Variants in OSBPL3 observed in about 807,000 individuals in gnomAD.
OSBPL3 encodes the protein oxysterol binding protein like 3, also known as oxysterol-binding protein-related protein 3.
OSBPL3 carries 65 observed loss-of-function variants against 120.1 expected under a neutral mutation model. The observed-to-expected ratio is 0.54, with a 90% CI of 0.44 to 0.67. The LOEUF is 0.67. OSBPL3 is among the 30% of genes least tolerant of loss of function. The probability of loss-of-function intolerance (pLI) is 0.00; values close to 1 mark genes in which losing one functional copy is unlikely to be tolerated. For synonymous variants in OSBPL3, 416 were observed against 402.6 expected (o/e 1.03, Z -0.40); for missense variants, 1,004 against 1,082.1 (o/e 0.93, Z 1.01).
chr7:24,820,309 C>G lies in OSBPL3; in HGVS notation c.1885-71G>C. The G allele has an allele frequency of 8.9e-7, 1 of 1,126,350 alleles. No individual in the cohort carries two copies. The highest frequency in any genetic ancestry group is 2.5e-5 in the East Asian group (1 of 39,570). 69.8% of individuals were successfully genotyped at this position (1,126,350 alleles called of 1,614,324 possible). ...GTGTCTCATGAAATCCATTCTTTCT[C>G]CCCTGCACTGAGATGTAACAGCGTG... is the stretch of plus-strand genomic sequence containing the variant. On this transcript the variant is annotated intron_variant, in intron 16 of 22. Transcript: ENST00000313367. This position sits in a 1 kb window ranked among gnomAD's most constrained non-coding sequence, Gnocchi z 4.6.
At chr7:24,848,406 T>C (rs1347748631) in intron 12 of OSBPL3, among the ~76,000 whole-genome samples, 1 of 152,210 alleles carries the variant, frequency 6.6e-6, no homozygotes, top group Non-Finnish European at 1.5e-5. Context: ...AAAACAGTTT[T>C]TACTTTCATT....
intron 1 of OSBPL3, among the ~76,000 whole-genome samples, chr7:24,914,309 T>G (rs761568730): frequency 6.6e-5 from 10 of 151,900 alleles, no homozygotes; most frequent in Non-Finnish European, 1.3e-4. Flanking sequence ...TACCAGCCAG[T>G]AGCATCTACT....
In OSBPL3 at chr7:24,817,137, G is replaced by A. The variant is rs1308027167; in HGVS notation, c.1949-449C>T. 5.3e-5 allele frequency among the ~76,000 whole-genome samples: 8 copies of A among 152,320 alleles called. No individual in the cohort carries two copies. In the South Asian group the frequency reaches 8.3e-4, roughly 16 times the overall value. On this transcript the variant is annotated intron_variant, in intron 17 of 22. Transcript: ENST00000313367. This position sits in a 1 kb window ranked among gnomAD's most constrained non-coding sequence, Gnocchi z 4.0. ...AAGGCCAAATAAATAGCTTGTCTGAGGGGACGGAAGTATAGGAAAACACAG... is the reference window on the plus strand; with the variant it reads ...AAGGCCAAATAAATAGCTTGTCTGAAGGGACGGAAGTATAGGAAAACACAG...
intron 12 of OSBPL3, among the ~76,000 whole-genome samples, chr7:24,846,636 T>A (rs1584353215): frequency 6.6e-6 from 1 of 152,152 alleles, no homozygotes; most frequent in South Asian, 2.1e-4. Context: ...TAATATTAAA[T>A]CTTCACATTC....
chr7:24,931,345 G>A (rs1811765668), intron 1 of OSBPL3, among the ~76,000 whole-genome samples: 3 of 152,218 alleles, frequency 2.0e-5, no homozygotes, highest in South Asian at 2.1e-4. Context: ...ACCCCCAGAA[G>A]CACTGAATGT....
rs187434748 is a variant in OSBPL3 at position 24,805,912 on chromosome 7, C to T, written c.2444+864G>A. Among the ~76,000 whole-genome samples the T allele has an allele frequency of 9.7e-4, 147 of 152,134 alleles. No homozygotes were observed. Among genetic ancestry groups the T allele is most frequent in the African/African-American group, 3.4e-3 (141 of 41,500 alleles). On this transcript the variant is annotated intron_variant, in intron 21 of 22. Coordinates refer to ENST00000313367, the MANE Select transcript of OSBPL3 (RefSeq NM_015550.4). This position sits in a 1 kb window ranked among gnomAD's most constrained non-coding sequence, Gnocchi z 4.0. ...CTCCGTTTGTCATTTATCTTTTGAC[C>T]TTATATATATAGTTTTATTTATTTT...
At position 24,932,327 on chromosome 7, in the gene OSBPL3, G is replaced by A. The variant is rs1320789507; in HGVS notation, c.-149-39706C>T. 6.6e-6 allele frequency among the ~76,000 whole-genome samples: 1 copy of A among 152,110 alleles called. No homozygotes were observed. Among genetic ancestry groups the A allele is most frequent in the Non-Finnish European group, 1.5e-5 (1 of 68,020 alleles). On this transcript the variant is annotated intron_variant, in intron 1 of 22. Coordinates refer to ENST00000313367, the MANE Select transcript of OSBPL3 (RefSeq NM_015550.4). The surrounding 1 kb of genome is among the most constrained non-coding windows in gnomAD (Gnocchi z 5.6). Reference sequence around the variant, plus strand: ...TCCCCGGTCAAGTTTCAAGCTGTGCGCCCAGGGGTCTGAGATAGGTTAGAA... The same window carrying A: ...TCCCCGGTCAAGTTTCAAGCTGTGCACCCAGGGGTCTGAGATAGGTTAGAA...
Position 24,952,682 on chromosome 7 carries a change from A to T in OSBPL3, c.-150+27204T>A, listed in dbSNP as rs1814580131. On this transcript the variant is annotated intron_variant, in intron 1 of 22. Coordinates refer to ENST00000313367, the MANE Select transcript of OSBPL3 (RefSeq NM_015550.4). This position sits in a 1 kb window ranked among gnomAD's most constrained non-coding sequence, Gnocchi z 4.4. ...AACATTCTTAACTGTGCATTACATC[A>T]ACTCTATAGAGATTATGGTAAGGTT... 6.6e-6 allele frequency among the ~76,000 whole-genome samples: 1 copy of T among 152,216 alleles called. No individual in the cohort carries two copies.
rs898326534 is a variant in OSBPL3, at chr7:24,938,965, A to G, written c.-150+40921T>C. 2.6e-5 allele frequency among the ~76,000 whole-genome samples: 4 copies of G among 152,254 alleles called. No individual in the cohort carries two copies. The highest frequency in any genetic ancestry group is 5.9e-5 in the Non-Finnish European group (4 of 68,026). ...GATTAATTAAGATGCAGAACACAAG[A>G]ACAAATGAAACAGAGTGCAAGGGGT... On this transcript the variant is annotated intron_variant, in intron 1 of 22. Coordinates refer to ENST00000313367, the MANE Select transcript of OSBPL3 (RefSeq NM_015550.4). The surrounding 1 kb of genome is among the most constrained non-coding windows in gnomAD (Gnocchi z 5.8).
At chr7:24,919,576 GGT>G (rs796428087) in intron 1 of OSBPL3, among the ~76,000 whole-genome samples, 22 of 151,860 alleles carry the variant, frequency 1.4e-4, no homozygotes, top group African/African-American at 5.3e-4. Flanking sequence ...AAAACATAGG[GGT>G]AACTCTTCCT....
rs576401936 is a variant in OSBPL3, at chr7:24,963,706, G to A, written c.-150+16180C>T. ...CTAGCCTGGGATTTGCTACCAAAGAGGCGTAACCTTAGATAAACCATTTCA... is the reference window on the plus strand; with the variant it reads ...CTAGCCTGGGATTTGCTACCAAAGAAGCGTAACCTTAGATAAACCATTTCA... On this transcript the variant is annotated intron_variant, in intron 1 of 22. Transcript: ENST00000313367. 7.9e-5 allele frequency among the ~76,000 whole-genome samples: 12 copies of A among 152,348 alleles called. No individual in the cohort carries two copies. The South Asian group carries it at 2.5e-3, about 32-fold the overall frequency.
intron 12 of OSBPL3, among the ~76,000 whole-genome samples, chr7:24,843,813 CAA>C (rs1427540475): frequency 6.6e-6 from 1 of 152,154 alleles, no homozygotes; most frequent in Non-Finnish European, 1.5e-5. Flanking sequence ...TCTCTCTCCT[CAA>C]AAGAGCCAGG....
intron 1 of OSBPL3, among the ~76,000 whole-genome samples, chr7:24,921,535 G>A (rs898729450): frequency 6.6e-6 from 1 of 152,102 alleles, no homozygotes; most frequent in Non-Finnish European, 1.5e-5. Flanking sequence ...AGCTAAACAC[G>A]CCTTCCAAGG....
At chr7:24,893,026 A>C (rs568171742) in intron 1 of OSBPL3, among the ~76,000 whole-genome samples, 1 of 152,364 alleles carries the variant, frequency 6.6e-6, no homozygotes, top group East Asian at 1.9e-4. Context: ...GGAACTGTAA[A>C]ATGGCATAGC....
chr7:24,872,441 GAA>G lies in OSBPL3; in HGVS notation c.97-374_97-373del, dbSNP rs1339568608. Among the ~76,000 whole-genome samples, 21 of 127,730 alleles carry G rather than the reference GAA, an allele frequency of 1.6e-4. No individual in the cohort carries two copies. The highest frequency in any genetic ancestry group is 4.7e-4 in the African/African-American group (16 of 33,994). 83.8% of individuals were successfully genotyped at this position (127,730 alleles called of 152,430 possible). ...CTAGACTTCAGTCTGAATTTTAACC[GAA>G]AGAGAGTGTGTGTGTGTGTGTGTGT... On this transcript the variant is annotated intron_variant, in intron 2 of 22. Transcript: ENST00000313367. The surrounding 1 kb of genome is among the most constrained non-coding windows in gnomAD (Gnocchi z 4.1).
Position 24,937,227 on chromosome 7 carries a change from C to A in OSBPL3, c.-150+42659G>T, listed in dbSNP as rs547773923. Among the ~76,000 whole-genome samples, 1 of 152,144 alleles carries A rather than the reference C, an allele frequency of 6.6e-6. No homozygotes were observed. Among genetic ancestry groups the A allele is most frequent in the Non-Finnish European group, 1.5e-5 (1 of 68,034 alleles). ...GAGAACTAACTTATTATCATGAGAA[C>A]AGGATGGAGGGAACCTCTCCCATAA... On this transcript the variant is annotated intron_variant, in intron 1 of 22. Coordinates refer to ENST00000313367, the MANE Select transcript of OSBPL3 (RefSeq NM_015550.4). The surrounding 1 kb of genome is among the most constrained non-coding windows in gnomAD (Gnocchi z 4.0).
rs1381502100 is a variant in OSBPL3 at position 24,946,944 on chromosome 7, G to A, written c.-150+32942C>T. ...ATCAGGAATCCAATAAAGGTTTGCT[G>A]TTTGGCTTGTGCTCAAAACGAAAAG... On this transcript the variant is annotated intron_variant, in intron 1 of 22. Coordinates refer to ENST00000313367, the MANE Select transcript of OSBPL3 (RefSeq NM_015550.4). This position sits in a 1 kb window ranked among gnomAD's most constrained non-coding sequence, Gnocchi z 4.3. Among the ~76,000 whole-genome samples, 1 of 152,190 alleles carries A rather than the reference G, an allele frequency of 6.6e-6. No homozygotes were observed. The highest frequency in any genetic ancestry group is 1.5e-5 in the Non-Finnish European group (1 of 68,028).
intron 1 of OSBPL3, among the ~76,000 whole-genome samples, chr7:24,897,942 T>G (rs550335307): frequency 6.6e-6 from 1 of 152,186 alleles, no homozygotes; most frequent in African/African-American, 2.4e-5. Flanking sequence ...GGAAACGACT[T>G]TCATGAAGGC....
At chr7:24,826,355 C>G (rs1379548116) in intron 16 of OSBPL3, among the ~76,000 whole-genome samples, 2 of 152,182 alleles carry the variant, frequency 1.3e-5, no homozygotes, top group East Asian at 1.9e-4. Context: ...CACTCCTGAT[C>G]GGTCCTCTTT....
Sources: gnomAD v4.1 joint callset for allele counts (sites outside exome capture counted in the v4.1 genomes callset) on GRCh38, gnomAD v4.1.1 for gene constraint, Gnocchi (gnomAD v3.1) non-coding constraint, MANE v1.5 for transcripts, NCBI Gene and HGNC (gene_info 2026-07-23, HGNC 2026-07-21) for gene names.